The following GRM6 variants were observed in gnomAD, a reference collection of about 807,000 sequenced individuals.
The protein encoded by GRM6 is metabotropic glutamate receptor 6.
A neutral mutation model predicts 78.4 loss-of-function variants in GRM6; 73 were observed. That is an observed-to-expected ratio of 0.93 (90% CI 0.77 to 1.13). GRM6 has a LOEUF of 1.13. Ranked by LOEUF, GRM6 falls within the 50% of genes most tolerant of loss-of-function variation. The pLI, the probability that GRM6 is intolerant of heterozygous loss-of-function variation, is 0.00. For missense variants in GRM6, 1,251 were observed against 1,256.4 expected, an observed-to-expected ratio of 1.00 and a Z score of 0.07; for synonymous variants, 580 against 555.0, an observed-to-expected ratio of 1.05 and a Z score of -0.63.
chr5:178,983,376 G>A (rs1219361577), intron 9 of GRM6, 155 bp from the exon 10 acceptor site: 2 of 740,560 alleles, frequency 2.7e-6, no homozygotes, highest in African/African-American at 1.7e-5. Flanking sequence ...AGCACTCAGT[G>A]GAGAAGAGGG....
rs1180862277 is a variant in GRM6 at position 178,981,454 on chromosome 5, G to A, written c.*203C>T. 5.1e-6 allele frequency: 3 copies of A among 585,902 alleles called. No individual in the cohort carries two copies. Among genetic ancestry groups the A allele is most frequent in the Admixed American group, 3.0e-5 (1 of 33,442 alleles). The allele number at this position is 585,902 out of a possible 1,614,324, so 36.3% of individuals were successfully genotyped here. On this transcript the variant is annotated 3_prime_UTR_variant, in exon 11 of 11. Coordinates refer to ENST00000517717, the MANE Select transcript of GRM6 (RefSeq NM_000843.4). This position sits in a 1 kb window ranked among gnomAD's most constrained non-coding sequence, Gnocchi z 5.1. ...GGGAAGCGAGTCTGGTCTGTGGTGA[G>A]GAAGCATGAAGCTCACATGCTGGAA...
Position 178,991,801 on chromosome 5 carries a change from G to T in GRM6, c.721+66C>A. On this transcript the variant is annotated intron_variant, in intron 3 of 10. Transcript: ENST00000517717. The surrounding 1 kb of genome is among the most constrained non-coding windows in gnomAD (Gnocchi z 5.0). ...CTGGGCCCCCCATCTTTCTGCTTCT[G>T]CCCCAACTGAGGGCCCCGGGCCCAC... 1 of 1,387,982 alleles carries T rather than the reference G, an allele frequency of 7.2e-7. No individual in the cohort carries two copies. The highest frequency in any genetic ancestry group is 1.0e-6 in the Non-Finnish European group (1 of 983,860). The allele number at this position is 1,387,982 out of a possible 1,614,324, so 86.0% of individuals were successfully genotyped here.
rs1760554396 is a variant in GRM6, at chr5:178,986,499, C to T, written c.1755G>A (p.Trp585Ter). 2 of 1,609,916 alleles carry T rather than the reference C, an allele frequency of 1.2e-6. No individual in the cohort carries two copies. Among genetic ancestry groups the T allele is most frequent in the East Asian group, 4.5e-5 (2 of 44,788 alleles). The change falls in exon 9 of 11, where the codon TGG becomes TGA. Residue 585 changes from tryptophan (W) to a stop codon, truncating the protein, a stop_gained. Transcript: ENST00000517717. LOFTEE classifies it high-confidence loss of function. Reference protein sequence around the residue: ...PVVRLSWSSPWAAPPLLLAVL... With the variant: ...PVVRLSWSSP ...CGGCCAGGAGGAGCGGCGGGGCTGC[C>T]CAGGGGGAGGACCAGCTCAGGCGCA...
Position 178,981,703 on chromosome 5 carries a change from G to C in GRM6, c.2588C>G (p.Thr863Arg), listed in dbSNP as rs61733042. 11 of 1,613,844 alleles carry C rather than the reference G, an allele frequency of 6.8e-6. No homozygotes were observed. The highest frequency in any genetic ancestry group is 8.5e-6 in the Non-Finnish European group (10 of 1,179,724). ...KRKRSLKATS[T>R]VAAPPKGEDA... ...CTCGCCCTTGGGTGGGGCTGCCACCGTGGAGGTGGCCTTGAGGCTCCGCTT... is the reference window on the plus strand; with the variant it reads ...CTCGCCCTTGGGTGGGGCTGCCACCCTGGAGGTGGCCTTGAGGCTCCGCTT... Residue 863 changes from threonine (T) to arginine (R), a missense_variant, in exon 11 of 11, where the codon ACG becomes AGG. Physicochemically the swap from Thr to Arg is moderately conservative, Grantham distance 71. Transcript: ENST00000517717. This position sits in a 1 kb window ranked among gnomAD's most constrained non-coding sequence, Gnocchi z 5.1.
chr5:178,994,796 C>A lies in GRM6; in HGVS notation c.149G>T (p.Arg50Leu). 7 of 1,300,378 alleles carry A rather than the reference C, an allele frequency of 5.4e-6. No homozygotes were observed. Among genetic ancestry groups the A allele is most frequent in the South Asian group, 4.0e-5 (2 of 49,578 alleles). 80.6% of individuals were successfully genotyped at this position (1,300,378 alleles called of 1,614,324 possible). ...CCCGCACGCCCGGCCCGCCGCGCCC[C>A]GCGCGTGCACCGGGAACAGGCCGCC... ...TLGGLFPVHA[R>L]GAAGRACGQL... The change falls in exon 2 of 11, where the codon CGG becomes CTG. Residue 50 changes from arginine to leucine, a missense_variant. Arg to Leu is a moderately radical substitution (Grantham distance 102). Coordinates refer to ENST00000517717, the MANE Select transcript of GRM6 (RefSeq NM_000843.4).
At chr5:178,990,816 A>G (rs1366141007) in intron 4 of GRM6, 70 bp from the exon 5 acceptor site, 2 of 1,258,760 alleles carry the variant, frequency 1.6e-6, no homozygotes, top group East Asian at 2.5e-5. Flanking sequence ...ATCCCTTCCC[A>G]CTCTATCCAT....
chr5:178,983,696 CAG>C, intron 9 of GRM6: 1 of 356,606 alleles, frequency 2.8e-6, no homozygotes, highest in Non-Finnish European at 5.6e-6. Context: ...AAGGAGCACT[CAG>C]TGGGGAGGAG....
Position 178,986,561 on chromosome 5 carries a change from T to G in GRM6, c.1693A>C (p.Thr565Pro), listed in dbSNP as rs1488084467. Residue 565 changes from threonine (T) to proline (P), a missense_variant, in exon 9 of 11, where the codon ACG becomes CCG. Transcript: ENST00000517717. ...CEACPGDMRPTPNHTGCRPTP... is the reference protein window; with the variant it reads ...CEACPGDMRPPPNHTGCRPTP... ...GGGCGGCAGCCCGTGTGGTTGGGCGTGGGCCTCATGTCCCCAGGACAGGCC... is the reference window on the plus strand; with the variant it reads ...GGGCGGCAGCCCGTGTGGTTGGGCGGGGGCCTCATGTCCCCAGGACAGGCC... The G allele has an allele frequency of 6.2e-7, 1 of 1,607,878 alleles. No individual in the cohort carries two copies. The highest frequency in any genetic ancestry group is 1.1e-5 in the South Asian group (1 of 91,078).
chr5:178,992,064 G>C lies in GRM6; in HGVS notation c.524C>G (p.Ala175Gly). 1 of 1,613,540 alleles carries C rather than the reference G, an allele frequency of 6.2e-7. No homozygotes were observed. Among genetic ancestry groups the C allele is most frequent in the Non-Finnish European group, 8.5e-7 (1 of 1,179,652 alleles). The change falls in exon 3 of 11, where the codon GCC (alanine) becomes GGC (glycine). Residue 175 changes from alanine to glycine, a missense_variant. Ala to Gly is a moderately conservative substitution (Grantham distance 60). Transcript: ENST00000517717. This position sits in a 1 kb window ranked among gnomAD's most constrained non-coding sequence, Gnocchi z 4.9. ...GTCGCTGAGCTCCGGGGCTGTGGAG[G>C]CATAGCTGATCTGGGGTATCTGTGG... ...RLFAIPQISY[A>G]STAPELSDST...
chr5:178,986,444 C>T lies in GRM6; in HGVS notation c.1810G>A (p.Val604Met), dbSNP rs753949710. ...VLGIVATTTV[V>M]ATFVRYNNTP... is the part of the protein sequence containing the mutation. ...TTGTTGTACCGCACGAAGGTGGCCA[C>T]CACCGTGGTAGTGGCCACGATGCCC... is the stretch of plus-strand genomic sequence containing the variant. The change falls in exon 9 of 11, where the codon GTG becomes ATG. Residue 604 changes from valine (V) to methionine (M), a missense_variant. Coordinates refer to ENST00000517717, the MANE Select transcript of GRM6 (RefSeq NM_000843.4). 33 of 1,613,264 alleles carry T rather than the reference C, an allele frequency of 2.0e-5. No homozygotes were observed. The highest frequency in any genetic ancestry group is 2.8e-5 in the Non-Finnish European group (33 of 1,179,900).
rs76561626 is a variant in GRM6, at chr5:178,983,233, A to G, written c.2125-12T>C. 0.039 allele frequency: 62,604 copies of G among 1,604,916 alleles called. 1,880 individuals carry two copies. The highest frequency in any genetic ancestry group is 0.16 in the East Asian group (7,031 of 44,768). ...ATCATCCCCACCACCTGCAGGAGCC[A>G]ACACTGCATCAGACACAGCACTTTC... On this transcript the variant is annotated splice_polypyrimidine_tract_variant and intron_variant, in intron 9 of 10. Transcript: ENST00000517717.
intron 1 of GRM6, 42 bp from the exon 2 acceptor site, chr5:178,995,002 G>A: frequency 1.9e-6 from 2 of 1,077,488 alleles, no homozygotes; most frequent in Non-Finnish European, 2.3e-6. Flanking sequence ...TGAGGGCGGG[G>A]GAAGGAGAGC....
chr5:178,985,208 C>T (rs1018393410), intron 9 of GRM6: 34 of 452,610 alleles, frequency 7.5e-5, no homozygotes, highest in Admixed American at 4.8e-4. Context: ...GCTCTTTGAC[C>T]TGTTTCCATA....
rs145365816 is a variant in GRM6, at chr5:178,986,655, G to A, written c.1599C>T (p.Gly533=). Residue 533 remains glycine, a synonymous_variant, in exon 9 of 11, where the codon GGC becomes GGT. Coordinates refer to ENST00000517717, the MANE Select transcript of GRM6 (RefSeq NM_000843.4). ...GPGERKKMVK[G]VPCCWHCEAC... The stretch of plus-strand genomic sequence containing the variant: ...CCTCGCAGTGCCAACAGCAGGGGAC[G>A]CCCTTCACCATCTTCTTCCGCTCCC... 108 of 1,602,518 alleles carry A rather than the reference G, an allele frequency of 6.7e-5. 1 individual carries two copies. The Middle Eastern group carries it at 1.5e-3, about 22-fold the overall frequency.
In GRM6 at chr5:178,994,815, G is replaced by T; in HGVS notation, c.130C>A (p.Leu44Met). The T allele has an allele frequency of 2.6e-5, 33 of 1,265,238 alleles. No homozygotes were observed. Among genetic ancestry groups the T allele is most frequent in the Non-Finnish European group, 3.3e-5 (33 of 1,005,014 alleles). The allele number at this position is 1,265,238 out of a possible 1,614,324, so 78.4% of individuals were successfully genotyped here. A position where few individuals can be genotyped will look rare whatever the true frequency, so the allele number is the denominator to read the frequency against. The stretch of plus-strand genomic sequence containing the variant: ...GCGCCCCGCGCGTGCACCGGGAACA[G>T]GCCGCCCAGCGTCAGGCCGCCCGCC... ...RLAGGLTLGG[L>M]FPVHARGAAG... is the part of the protein sequence containing the mutation. Residue 44 changes from leucine to methionine, a missense_variant, in exon 2 of 11, where the codon CTG (leucine) becomes ATG (methionine). Transcript: ENST00000517717.
intron 9 of GRM6, among the ~76,000 whole-genome samples, chr5:178,984,555 G>A (rs1180586299): frequency 6.6e-6 from 1 of 152,174 alleles, no homozygotes; most frequent in Non-Finnish European, 1.5e-5. Flanking sequence ...CAGTGGCTGA[G>A]GCTGGGGAGG....
chr5:178,987,907 CCG>C (rs201273820), intron 7 of GRM6, among the ~76,000 whole-genome samples: 135,422 of 143,504 alleles, frequency 0.94, 64,564 homozygotes, highest in South Asian at 1. Flanking sequence ...TTATAGGCAC[CCG>C]TCGCCATGCC....
chr5:178,983,477 T>C (rs995430905), intron 9 of GRM6: 1 of 674,632 alleles, frequency 1.5e-6, no homozygotes, highest in Admixed American at 2.0e-5. Context: ...CGCCCGTATA[T>C]GTTGGCAACA....
At chr5:178,983,272 A>G (rs1760441695) in intron 9 of GRM6, 51 bp from the exon 10 acceptor site, 4 of 1,519,068 alleles carry the variant, frequency 2.6e-6, no homozygotes, top group Non-Finnish European at 3.6e-6. Context: ...GGACAAATCC[A>G]TTCCAGCCCT....
Sources: gnomAD v4.1 joint callset for allele counts (sites outside exome capture counted in the v4.1 genomes callset) on GRCh38, gnomAD v4.1.1 for gene constraint, Gnocchi (gnomAD v3.1) non-coding constraint, MANE v1.5 for transcripts, NCBI Gene and HGNC (gene_info 2026-07-23, HGNC 2026-07-21) for gene names.